Variants in CDYL observed in about 807,000 individuals in gnomAD.
CDYL encodes chromodomain Y-like protein.
In CDYL, 8 loss-of-function variants were observed where a neutral mutation model predicts 47.3. The observed-to-expected ratio is 0.17, with a 90% CI of 0.10 to 0.31. The LOEUF (loss-of-function observed/expected upper bound fraction) is 0.31, where lower values mean the gene tolerates loss of function less well. Ranked by LOEUF, CDYL falls within the 10% of genes least tolerant of loss-of-function variation. The pLI, the probability that CDYL is intolerant of heterozygous loss-of-function variation, is 1.00. For synonymous variants in CDYL, 266 were observed against 265.0 expected (o/e 1.00, Z -0.04); for missense variants, 471 against 701.4 (o/e 0.67, Z 3.71).
upstream of CDYL, chr6:4,776,285 G>T: frequency 6.9e-6 from 1 of 144,632 alleles, no homozygotes; most frequent in South Asian, 2.0e-4. Flanking sequence ...CGGCTGCCCC[G>T]CCCCGCCGCC....
intron 1 of CDYL, among the ~76,000 whole-genome samples, chr6:4,817,223 C>G (rs1314011561): frequency 2.0e-5 from 3 of 152,088 alleles, no homozygotes; most frequent in Non-Finnish European, 4.4e-5. Context: ...TGGGAGCCAG[C>G]TAACTTCAGC....
intron 2 of CDYL, among the ~76,000 whole-genome samples, chr6:4,895,716 A>G (rs1762262537): frequency 6.6e-6 from 1 of 152,096 alleles, no homozygotes; most frequent in African/African-American, 2.4e-5. Flanking sequence ...AGTTCTTTCA[A>G]AATGAACTGC....
At position 4,895,288 on chromosome 6, in the gene CDYL, T is replaced by C. The variant is rs1461361267; in HGVS notation, c.691+2909T>C. On this transcript the variant is annotated intron_variant, in intron 2 of 6. Transcript: ENST00000397588. The stretch of plus-strand genomic sequence containing the variant: ...ATACATGTATGTATATATGTGCATA[T>C]ATGCATGTATGTATATATGTGCATA... 2.7e-5 allele frequency among the ~76,000 whole-genome samples: 4 copies of C among 146,348 alleles called. 1 individual carries two copies. The highest frequency in any genetic ancestry group is 1.1e-4 in the African/African-American group (4 of 37,588).
intron 5 of CDYL, among the ~76,000 whole-genome samples, chr6:4,947,120 G>A (rs534503538): frequency 1.8e-4 from 27 of 152,368 alleles, no homozygotes; most frequent in Non-Finnish European, 8.8e-5. Flanking sequence ...ACCCTTGGCT[G>A]GGTCGTGCAG....
rs151294366 is a variant in CDYL at position 4,715,129 on chromosome 6, G to A, written c.-38-612G>A. On this transcript the variant is annotated intron_variant, in intron 1 of 8. Transcript: ENST00000328908. ...CTCTGAAAATGCATCGTGCTTTCTCGTGCCTCTGTGCCTTGGGCTCTCACC... is the reference window on the plus strand; with the variant it reads ...CTCTGAAAATGCATCGTGCTTTCTCATGCCTCTGTGCCTTGGGCTCTCACC... 3.7e-4 allele frequency among the ~76,000 whole-genome samples: 56 copies of A among 152,170 alleles called. 1 individual carries two copies. The highest frequency in any genetic ancestry group is 1.3e-3 in the African/African-American group (56 of 41,510).
intron 1 of CDYL, among the ~76,000 whole-genome samples, chr6:4,866,430 T>C (rs958299648): frequency 5.9e-5 from 9 of 152,124 alleles, no homozygotes; most frequent in African/African-American, 2.2e-4. Flanking sequence ...AGGTCACATC[T>C]ACAGGAATAG....
chr6:4,860,005 C>A (rs532197531), intron 1 of CDYL, among the ~76,000 whole-genome samples: 13 of 151,842 alleles, frequency 8.6e-5, no homozygotes, highest in Admixed American at 5.9e-4. Flanking sequence ...GTGTTCACGC[C>A]ATTCTCCTGC....
intron 2 of CDYL, among the ~76,000 whole-genome samples, chr6:4,723,450 G>A (rs1757411827): frequency 6.6e-6 from 1 of 152,050 alleles, no homozygotes; most frequent in Non-Finnish European, 1.5e-5. Flanking sequence ...GTCACAAAGA[G>A]GCTATTTACA....
chr6:4,738,182 C>A (rs1757736800), intron 3 of CDYL, among the ~76,000 whole-genome samples: 2 of 152,104 alleles, frequency 1.3e-5, no homozygotes, highest in African/African-American at 4.8e-5. Flanking sequence ...TGGAGACCAG[C>A]CTGGCCAACA....
At chr6:4,714,522 G>C (rs577524352) in intron 1 of CDYL, 5 of 152,390 alleles carry the variant, frequency 3.3e-5, no homozygotes, top group East Asian at 3.9e-4. Flanking sequence ...TCATGGTTCA[G>C]GACACCAAAG....
At chr6:4,929,888 ATGGT>A (rs75703422) in intron 2 of CDYL, among the ~76,000 whole-genome samples, 15,518 of 151,764 alleles carry the variant, frequency 0.1, 990 homozygotes, top group Non-Finnish European at 0.14. Context: ...TTATCTAGTA[ATGGT>A]TGGTTGATGA....
chr6:4,886,014 T>C (rs1004236441), intron 1 of CDYL, among the ~76,000 whole-genome samples: 1 of 152,240 alleles, frequency 6.6e-6, no homozygotes, highest in East Asian at 1.9e-4. Context: ...TGTATGTGAC[T>C]GACTTCTTTT....
intron 4 of CDYL, 99 bp downstream of exon 4, chr6:4,937,836 A>G (rs1758244571): frequency 4.6e-6 from 4 of 863,372 alleles, no homozygotes; most frequent in Non-Finnish European, 7.2e-6. Context: ...AGAATAAGAT[A>G]CACATCTTCT....
intron 2 of CDYL, among the ~76,000 whole-genome samples, chr6:4,892,925 T>G (rs1358932155): frequency 6.6e-6 from 1 of 152,230 alleles, no homozygotes; most frequent in Non-Finnish European, 1.5e-5. Flanking sequence ...CCAGTCTGCC[T>G]GGCACCGGTG....
At chr6:4,818,309 G>A (rs112040361) in intron 1 of CDYL, among the ~76,000 whole-genome samples, 1,538 of 152,154 alleles carry the variant, frequency 0.01, 38 homozygotes, top group African/African-American at 0.035. Context: ...AAGAAAAGGA[G>A]TGTGGGCAAT....
chr6:4,917,147 T>C (rs974118445), intron 2 of CDYL, among the ~76,000 whole-genome samples: 12 of 152,248 alleles, frequency 7.9e-5, no homozygotes, highest in Middle Eastern at 3.2e-3. Flanking sequence ...TCCTTCCTTA[T>C]GGTTTTGGGG....
intron 1 of CDYL, among the ~76,000 whole-genome samples, chr6:4,823,029 C>T (rs965111969): frequency 2.0e-5 from 3 of 152,142 alleles, no homozygotes; most frequent in Admixed American, 6.5e-5. Context: ...CGTAAGAAGT[C>T]GACACCACCT....
chr6:4,785,667 A>T (rs1470634481), intron 1 of CDYL, among the ~76,000 whole-genome samples: 1 of 152,246 alleles, frequency 6.6e-6, no homozygotes, highest in African/African-American at 2.4e-5. Flanking sequence ...AAAAAAAGTC[A>T]TCTTAGTTTG....
At chr6:4,922,006 G>A (rs200196504) in intron 2 of CDYL, among the ~76,000 whole-genome samples, 4 of 152,194 alleles carry the variant, frequency 2.6e-5, no homozygotes, top group East Asian at 1.9e-4. Context: ...CGTAGGTACC[G>A]TTCCTGCCTC....
Sources: allele counts gnomAD v4.1 joint callset (sites outside exome capture counted in the v4.1 genomes callset), GRCh38; gene constraint gnomAD v4.1.1; transcripts MANE v1.5; gene names NCBI Gene and HGNC (gene_info 2026-07-23, HGNC 2026-07-21).